CFAP97: variants seen among roughly 807,000 people sequenced by gnomAD.
The protein encoded by CFAP97 is cilia- and flagella-associated protein 97.
In CFAP97, 36 loss-of-function variants were observed where a neutral mutation model predicts 43.1. That is an observed-to-expected ratio of 0.84 (90% confidence interval 0.64 to 1.10). CFAP97 has a LOEUF of 1.10. Ranked by LOEUF, CFAP97 falls within the 50% of genes least tolerant of loss-of-function variation. The probability of loss-of-function intolerance (pLI) is 0.00; values close to 1 mark genes in which losing one functional copy is unlikely to be tolerated. For synonymous variants in CFAP97, 228 were observed against 225.7 expected, an observed-to-expected ratio of 1.01 and a Z score of -0.09; for missense variants, 657 against 620.3, an observed-to-expected ratio of 1.06 and a Z score of -0.63.
In CFAP97 at chr4:185,162,528, C is replaced by CA; in HGVS notation, c.*269dup. ...TATCACTACTATTTTGACAGCATGACAACTGAATAATTAGAAGATACACAT... is the reference window on the plus strand; with the variant it reads ...TATCACTACTATTTTGACAGCATGACAAACTGAATAATTAGAAGATACACAT... On this transcript the variant is annotated 3_prime_UTR_variant, in exon 5 of 5. Transcript: ENST00000458385. The CA allele has an allele frequency of 2.6e-6, 1 of 390,934 alleles. No homozygotes were observed. The highest frequency in any genetic ancestry group is 4.7e-6 in the Non-Finnish European group (1 of 213,872). 24.2% of individuals were successfully genotyped at this position (390,934 alleles called of 1,614,324 possible). A position where few individuals can be genotyped will look rare whatever the true frequency, so the allele number is the denominator to read the frequency against.
intron 3 of CFAP97, among the ~76,000 whole-genome samples, chr4:185,165,301 T>A (rs925635535): frequency 1.3e-5 from 2 of 152,120 alleles, no homozygotes; most frequent in East Asian, 3.9e-4. Context: ...TTAATAATAT[T>A]TTAATAAATT....
At chr4:185,199,110 C>T (rs1410736998) in intron 1 of CFAP97, among the ~76,000 whole-genome samples, 3 of 152,026 alleles carry the variant, frequency 2.0e-5, no homozygotes, top group African/African-American at 7.2e-5. Context: ...CAGTGGCTCC[C>T]ACCTGTAATT....
In CFAP97 at chr4:185,190,198, G is replaced by A. The variant is rs756179538; in HGVS notation, c.999C>T (p.His333=). 1.5e-5 allele frequency: 24 copies of A among 1,607,146 alleles called. No homozygotes were observed. The African/African-American group carries it at 2.3e-4, about 15-fold the overall frequency. ...SSSVLDSSLD[H]RHKQKVLHDT... is the part of the protein sequence containing the mutation. ...CATGTAAGACTTTCTGTTTATGTCTGTGGTCTAAACTGGAGTCTAACACTG... is the reference window on the plus strand; with the variant it reads ...CATGTAAGACTTTCTGTTTATGTCTATGGTCTAAACTGGAGTCTAACACTG... The change falls in exon 2 of 5, where the codon CAC becomes CAT. Residue 333 remains histidine (H), a synonymous_variant. Transcript: ENST00000458385.
In CFAP97 at chr4:185,190,648, A is replaced by T; in HGVS notation, c.549T>A (p.Gly183=). ...SSSSLSSSSS[G]SGTDCLDAGS... ...CTGCATCTAAACAATCTGTACCTGA[A>T]CCTGAAGATGAGGAAGATAAAGAGG... is the stretch of plus-strand genomic sequence containing the variant. The change falls in exon 2 of 5, where the codon GGT becomes GGA. Residue 183 remains glycine (G), a synonymous_variant. Coordinates refer to ENST00000458385, the MANE Select transcript of CFAP97 (RefSeq NM_020827.3). 6.3e-7 allele frequency: 1 copy of T among 1,586,768 alleles called. No individual in the cohort carries two copies. Among genetic ancestry groups the T allele is most frequent in the Non-Finnish European group, 8.6e-7 (1 of 1,165,446 alleles).
At chr4:185,173,980 T>C (rs960242073) in intron 3 of CFAP97, among the ~76,000 whole-genome samples, 2 of 152,052 alleles carry the variant, frequency 1.3e-5, no homozygotes, top group African/African-American at 4.8e-5. Flanking sequence ...TATATCTCAA[T>C]AAAGCTGGTT....
At chr4:185,175,504 T>C (rs981473837) in intron 3 of CFAP97, among the ~76,000 whole-genome samples, 5 of 152,110 alleles carry the variant, frequency 3.3e-5, no homozygotes, top group African/African-American at 1.2e-4. Flanking sequence ...TCAAACTCCT[T>C]GCCTCAAGCG....
rs922131375 is a variant in CFAP97, at chr4:185,190,560, C to T, written c.637G>A (p.Gly213Ser). The stretch of plus-strand genomic sequence containing the variant: ...TGTTTTGGTGACAGGAGGGTTATAC[C>T]AGATACATGTTTCTTAGATGACTTA... ...SSKSSKKHVS[G>S]ITLLSPKHKY... is the part of the protein sequence containing the mutation. The change falls in exon 2 of 5, where the codon GGT (glycine) becomes AGT (serine). Residue 213 changes from glycine to serine, a missense_variant. By Grantham distance (56) the Gly-to-Ser change is moderately conservative (BLOSUM62 0). Coordinates refer to ENST00000458385, the MANE Select transcript of CFAP97 (RefSeq NM_020827.3). 3 of 1,613,636 alleles carry T rather than the reference C, an allele frequency of 1.9e-6. No individual in the cohort carries two copies. Among genetic ancestry groups the T allele is most frequent in the African/African-American group, 2.7e-5 (2 of 74,874 alleles).
At chr4:185,182,437 C>T (rs762062306) in intron 2 of CFAP97, 4 of 152,102 alleles carry the variant, frequency 2.6e-5, no homozygotes, top group African/African-American at 7.2e-5. Flanking sequence ...TTCAGAAATT[C>T]GACTAATCTT....
chr4:185,189,380 ACATTT>A (rs1736133971), intron 2 of CFAP97, among the ~76,000 whole-genome samples: 2 of 152,228 alleles, frequency 1.3e-5, no homozygotes, highest in Non-Finnish European at 2.9e-5. Context: ...TTAAAGACTA[ACATTT>A]CAAACAGGAA....
At chr4:185,171,978 A>C (rs1735322635) in intron 3 of CFAP97, among the ~76,000 whole-genome samples, 1 of 152,130 alleles carries the variant, frequency 6.6e-6, no homozygotes, top group Admixed American at 6.5e-5. Flanking sequence ...GGGCTCAGGC[A>C]ACCCTCCTGC....
intron 4 of CFAP97, 113 bp downstream of exon 4, chr4:185,163,916 C>G (rs1734966740): frequency 1.1e-6 from 1 of 910,510 alleles, no homozygotes; most frequent in Non-Finnish European, 1.7e-6. Context: ...TGGGAAATAA[C>G]AGAACGCATT....
At chr4:185,207,210 CTTTTTTTTTTTT>C (rs34373262), upstream of CFAP97, among the ~76,000 whole-genome samples, 288 of 76,860 alleles carry the variant, frequency 3.7e-3, no homozygotes, top group African/African-American at 0.014. Context: ...ACCAGTCACA[CTTTTTTTTTTTT>C]TTTTTTTTTT....
intron 2 of CFAP97, among the ~76,000 whole-genome samples, chr4:185,181,320 C>CTTTTT (rs778362979): frequency 1.0e-4 from 10 of 99,178 alleles, no homozygotes; most frequent in African/African-American, 2.6e-4. Context: ...CATAATCATA[C>CTTTTT]TTTTTTTTTT....
At chr4:185,202,865 C>T (rs758935006) in intron 1 of CFAP97, among the ~76,000 whole-genome samples, 4 of 152,174 alleles carry the variant, frequency 2.6e-5, no homozygotes, top group African/African-American at 4.8e-5. Flanking sequence ...CCCAACAATC[C>T]CATCCACTGA....
At chr4:185,164,836 T>C (rs1245204492) in intron 3 of CFAP97, among the ~76,000 whole-genome samples, 1 of 152,246 alleles carries the variant, frequency 6.6e-6, no homozygotes, top group Non-Finnish European at 1.5e-5. Context: ...GGAGTTATAA[T>C]GCTAAGAACC....
At position 185,190,876 on chromosome 4, in the gene CFAP97, T is replaced by A; in HGVS notation, c.321A>T (p.Thr107=). The change falls in exon 2 of 5, where the codon ACA becomes ACT. Residue 107 remains threonine, a synonymous_variant. Coordinates refer to ENST00000458385, the MANE Select transcript of CFAP97 (RefSeq NM_020827.3). ...SSRSKKLCDV[T]TGLKIHVSIP... ...TGGACACGTGTATTTTAAGTCCTGT[T>A]GTAACATCACACAATTTTTTTGATC... 6.2e-7 allele frequency: 1 copy of A among 1,612,890 alleles called. No homozygotes were observed. Among genetic ancestry groups the A allele is most frequent in the South Asian group, 1.1e-5 (1 of 90,858 alleles).
chr4:185,166,698 G>C (rs1463484397), intron 3 of CFAP97, among the ~76,000 whole-genome samples: 1 of 152,174 alleles, frequency 6.6e-6, no homozygotes, highest in Non-Finnish European at 1.5e-5. Context: ...AGGGAAATAA[G>C]AGAGAAATGA....
intron 2 of CFAP97, among the ~76,000 whole-genome samples, chr4:185,181,322 TTTTTTTTTTTTTTTTTTTTTGAGACGG>T (rs1735776773): frequency 8.1e-6 from 1 of 124,056 alleles, no homozygotes. Flanking sequence ...TAATCATACT[TTTTTTTTTTTTTTTTTTTTTGAGACGG>T]AGTTTTGCTC....
rs532611860 is a variant in CFAP97, at chr4:185,190,232, T to G, written c.965A>C (p.Lys322Thr). 1.4e-5 allele frequency: 23 copies of G among 1,613,628 alleles called. No homozygotes were observed. Among genetic ancestry groups the G allele is most frequent in the Non-Finnish European group, 1.9e-5 (23 of 1,179,800 alleles). Reference protein sequence around the residue: ...KEKHEPDVSSKSSSVLDSSLD... With the variant: ...KEKHEPDVSSTSSSVLDSSLD... ...ACTGGAGTCTAACACTGAAGACGAC[T>G]TTGAGGAGACATCAGGCTCATGTTT... The change falls in exon 2 of 5, where the codon AAG (lysine) becomes ACG (threonine). Residue 322 changes from lysine (K) to threonine (T), a missense_variant. Physicochemically the swap from Lys to Thr is moderately conservative, Grantham distance 78. Transcript: ENST00000458385.
Sources: gnomAD v4.1 joint callset for allele counts (sites outside exome capture counted in the v4.1 genomes callset) on GRCh38, gnomAD v4.1.1 for gene constraint, MANE v1.5 for transcripts, NCBI Gene and HGNC (gene_info 2026-07-23, HGNC 2026-07-21) for gene names.